LIPA: variants seen among roughly 807,000 people sequenced by gnomAD.
LIPA encodes the protein lipase A, lysosomal acid type.
A neutral mutation model predicts 40.6 loss-of-function variants in LIPA; 26 were observed. The observed-to-expected ratio is 0.64, with a 90% CI of 0.47 to 0.89. The LOEUF (loss-of-function observed/expected upper bound fraction) is 0.89. Among genes scored for constraint, LIPA ranks in the 40% least tolerant of loss-of-function variants. The pLI, the probability that LIPA is intolerant of heterozygous loss-of-function variation, is 0.00. For synonymous variants in LIPA, 188 were observed against 168.4 expected, an observed-to-expected ratio of 1.12 and a Z score of -0.90; for missense variants, 455 against 479.6, an observed-to-expected ratio of 0.95 and a Z score of 0.48.
At chr10:89,307,433 C>T in intron 1 of LIPA, 2 of 1,375,864 alleles carry the variant, frequency 1.5e-6, no homozygotes, top group Non-Finnish European at 2.0e-6. Flanking sequence ...AATTCCTCCA[C>T]CAAGTTGGTA....
chr10:89,270,750 C>T lies in LIPA; in HGVS notation c.-1-23101G>A, dbSNP rs183348485. ...AAGCTGCTCTGCTACTCATGTTATACGACCCAACAGATCTGATGGTGCTCG... is the reference window on the plus strand; with the variant it reads ...AAGCTGCTCTGCTACTCATGTTATATGACCCAACAGATCTGATGGTGCTCG... On this transcript the variant is annotated intron_variant, in intron 1 of 5. Transcript: ENST00000282673. Among the ~76,000 whole-genome samples the T allele has an allele frequency of 1.8e-4, 28 of 152,290 alleles. No homozygotes were observed. In the Middle Eastern group the frequency reaches 0.01, roughly 56 times the overall value.
At chr10:89,337,408 TA>T (rs1388630337) in intron 1 of LIPA, among the ~76,000 whole-genome samples, 3 of 152,172 alleles carry the variant, frequency 2.0e-5, no homozygotes, top group African/African-American at 7.2e-5. Flanking sequence ...TTCTTACTTT[TA>T]TTTTTTTTGA....
chr10:89,347,273 G>A (rs1392077398), upstream of LIPA, among the ~76,000 whole-genome samples: 1 of 152,214 alleles, frequency 6.6e-6, no homozygotes, highest in Non-Finnish European at 1.5e-5. Flanking sequence ...TGTGAAGCCA[G>A]TTAGACTGTG....
intron 2 of LIPA, among the ~76,000 whole-genome samples, chr10:89,410,708 G>T (rs1162676884): frequency 2.6e-5 from 4 of 152,234 alleles, no homozygotes; most frequent in African/African-American, 9.6e-5. Flanking sequence ...GGAAAGAAAG[G>T]GAGTTCCTAA....
At chr10:89,318,474 A>C (rs1443807795) in intron 1 of LIPA, among the ~76,000 whole-genome samples, 6 of 152,244 alleles carry the variant, frequency 3.9e-5, no homozygotes, top group Non-Finnish European at 7.3e-5. Flanking sequence ...GAAGGCCATT[A>C]CATAATGGTA....
intron 1 of LIPA, among the ~76,000 whole-genome samples, chr10:89,295,790 A>G (rs1843409911): frequency 6.6e-6 from 1 of 152,228 alleles, no homozygotes; most frequent in Admixed American, 6.5e-5. Flanking sequence ...CTTTCTAATA[A>G]GTTTCATTTT....
At chr10:89,320,019 C>A (rs532690319) in intron 1 of LIPA, among the ~76,000 whole-genome samples, 5 of 152,086 alleles carry the variant, frequency 3.3e-5, no homozygotes, top group Non-Finnish European at 5.9e-5. Flanking sequence ...ATTCAGTAGC[C>A]CTTCATGCTA....
intron 2 of LIPA, among the ~76,000 whole-genome samples, chr10:89,363,952 A>G (rs191035531): frequency 2.4e-3 from 365 of 152,302 alleles, no homozygotes; most frequent in African/African-American, 8.3e-3. Context: ...TTGAAAGGGG[A>G]AAAGAAAGTG....
At chr10:89,267,821 C>T (rs1487125394) in intron 1 of LIPA, among the ~76,000 whole-genome samples, 2 of 151,816 alleles carry the variant, frequency 1.3e-5, no homozygotes, top group South Asian at 2.1e-4. Flanking sequence ...CTGCAGGTGC[C>T]GCCTGTCAAC....
At chr10:89,306,134 C>A (rs765359543) in intron 1 of LIPA, 1 of 1,614,112 alleles carries the variant, frequency 6.2e-7, no homozygotes, top group Admixed American at 1.7e-5. Flanking sequence ...ACTGGCCTAT[C>A]TAAAGCACCT....
chr10:89,372,828 T>G (rs1659433857), intron 2 of LIPA, among the ~76,000 whole-genome samples: 1 of 152,230 alleles, frequency 6.6e-6, no homozygotes, highest in African/African-American at 2.4e-5. Context: ...TTTATAGACA[T>G]GGACTTTTCA....
chr10:89,303,075 AG>A (rs1843456072), intron 1 of LIPA, among the ~76,000 whole-genome samples: 1 of 151,420 alleles, frequency 6.6e-6, no homozygotes, highest in Non-Finnish European at 1.5e-5. Flanking sequence ...CAGAATCTAT[AG>A]AACCCTTTTC....
upstream of LIPA, among the ~76,000 whole-genome samples, chr10:89,345,732 C>G (rs762755150): frequency 6.6e-6 from 1 of 151,804 alleles, no homozygotes; most frequent in African/African-American, 2.4e-5. Flanking sequence ...AAGACAGATT[C>G]GAAGAAACTA....
chr10:89,276,162 A>G (rs1417853832), intron 1 of LIPA, among the ~76,000 whole-genome samples: 1 of 152,216 alleles, frequency 6.6e-6, no homozygotes, highest in Non-Finnish European at 1.5e-5. Context: ...CACGTCTTGC[A>G]AATGTGTGGT....
rs1179037686 is a variant in LIPA at position 89,213,907 on chromosome 10, G to A, written c.*921C>T. The A allele has an allele frequency of 4.6e-5, 7 of 152,202 alleles. No individual in the cohort carries two copies. Among genetic ancestry groups the A allele is most frequent in the Non-Finnish European group, 1.5e-5 (1 of 68,036 alleles). The allele number at this position is 152,202 out of a possible 1,614,324, so 9.4% of individuals were successfully genotyped here. On this transcript the variant is annotated 3_prime_UTR_variant, in exon 10 of 10. Transcript: ENST00000336233. ...AACATCACGTTCACACTTCATTTGG[G>A]TGAAAATGAACAAGGACACTTCTCA...
chr10:89,258,842 G>C (rs1843193531), intron 1 of LIPA, among the ~76,000 whole-genome samples: 1 of 152,134 alleles, frequency 6.6e-6, no homozygotes, highest in Non-Finnish European at 1.5e-5. Context: ...AATAAAATTT[G>C]ATATGTTCAT....
chr10:89,352,186 T>C (rs1430932976), intron 2 of LIPA, among the ~76,000 whole-genome samples: 1 of 152,136 alleles, frequency 6.6e-6, no homozygotes. Context: ...TCCCCCTCCC[T>C]CTTTGCAGTT....
chr10:89,324,687 C>A (rs1843589922), intron 1 of LIPA, among the ~76,000 whole-genome samples: 1 of 152,088 alleles, frequency 6.6e-6, no homozygotes, highest in Non-Finnish European at 1.5e-5. Context: ...AAGCAAACAG[C>A]TCCATTAAAA....
rs1385554416 is a variant in LIPA, at chr10:89,314,359, GT to G, written c.-2+28251del. Among the ~76,000 whole-genome samples the G allele has an allele frequency of 2.0e-5, 3 of 152,328 alleles. No homozygotes were observed. The East Asian group carries it at 5.8e-4, about 29-fold the overall frequency. On this transcript the variant is annotated intron_variant, in intron 1 of 5. Transcript: ENST00000282673. ...CATATGTAAGTTCAAATCTGCATGT[GT>G]ACAAGTTTAAGAATAATGTGAATTT...
Sources: allele counts gnomAD v4.1 joint callset (sites outside exome capture counted in the v4.1 genomes callset), GRCh38; gene constraint gnomAD v4.1.1; transcripts MANE v1.5; gene names NCBI Gene and HGNC (gene_info 2026-07-23, HGNC 2026-07-21).